The following NIN variants were observed in gnomAD, a reference collection of about 807,000 sequenced individuals.
NIN encodes the protein ninein, also known as glycogen synthase kinase 3 beta-interacting protein.
NIN carries 137 observed loss-of-function variants against 257.6 expected under a neutral mutation model. That is an observed-to-expected ratio of 0.53 (90% CI 0.46 to 0.61). The LOEUF (loss-of-function observed/expected upper bound fraction) is 0.61. Ranked by LOEUF, NIN falls within the 20% of genes least tolerant of loss-of-function variation. The pLI is 0.00. For missense variants in NIN, 2,439 were observed against 2,501.2 expected (o/e 0.98, Z 0.53); for synonymous variants, 918 against 919.8 (o/e 1.00, Z 0.04).
chr14:50,787,799 T>C (rs1039806227), intron 5 of NIN, among the ~76,000 whole-genome samples: 1 of 152,228 alleles, frequency 6.6e-6, no homozygotes, highest in African/African-American at 2.4e-5. Flanking sequence ...CAAGTGAAAT[T>C]CTGAAATGTG....
At chr14:50,790,966 G>T (rs1212293628) in intron 5 of NIN, among the ~76,000 whole-genome samples, 1 of 152,028 alleles carries the variant, frequency 6.6e-6, no homozygotes, top group Non-Finnish European at 1.5e-5. Flanking sequence ...TCCTAGATGA[G>T]GACTAGAAAC....
intron 20 of NIN, among the ~76,000 whole-genome samples, chr14:50,753,925 T>C (rs761194790): frequency 1.3e-5 from 2 of 152,222 alleles, no homozygotes; most frequent in Non-Finnish European, 2.9e-5. Flanking sequence ...ATTGCCTATA[T>C]TTCAACTGGA....
chr14:50,758,771 T>C, intron 17 of NIN, 141 bp from the exon 18 acceptor site: 1 of 692,066 alleles, frequency 1.4e-6, no homozygotes, highest in Non-Finnish European at 2.3e-6. Context: ...TACTCCTATG[T>C]GATTCATTTA....
At chr14:50,777,584 G>T (rs2042971788) in intron 6 of NIN, among the ~76,000 whole-genome samples, 1 of 151,634 alleles carries the variant, frequency 6.6e-6, no homozygotes, top group Non-Finnish European at 1.5e-5. Context: ...TTACTGAAAA[G>T]AAAATAATTT....
chr14:50,744,094 G>A, intron 23 of NIN, 149 bp downstream of exon 23: 1 of 726,798 alleles, frequency 1.4e-6, no homozygotes, highest in Non-Finnish European at 2.2e-6. Flanking sequence ...CAGGAAGTCT[G>A]GGGTCACAGA....
At chr14:50,788,786 G>A (rs1222931879) in intron 5 of NIN, among the ~76,000 whole-genome samples, 1 of 152,164 alleles carries the variant, frequency 6.6e-6, no homozygotes, top group African/African-American at 2.4e-5. Context: ...CCATTCCACT[G>A]CCCACTCCTC....
Position 50,721,253 on chromosome 14 carries a change from A to AT in NIN, c.*2209dup, listed in dbSNP as rs778090069. ...CATTTGAGCAGCATTTTGATTTTGA[A>AT]TAGAGATTCTAAATGTAGTCTAAAC... On this transcript the variant is annotated 3_prime_UTR_variant, in exon 31 of 31. Transcript: ENST00000530997. 4 of 203,338 alleles carry AT rather than the reference A, an allele frequency of 2.0e-5. No homozygotes were observed. The highest frequency in any genetic ancestry group is 7.6e-5 in the East Asian group (1 of 13,168). The allele number at this position is 203,338 out of a possible 1,614,324, so 12.6% of individuals were successfully genotyped here.
chr14:50,747,667 G>C (rs2041606856), intron 22 of NIN, among the ~76,000 whole-genome samples: 1 of 151,768 alleles, frequency 6.6e-6, no homozygotes, highest in Non-Finnish European at 1.5e-5. Context: ...CTGGGAGCTG[G>C]AGGTTGCAGT....
chr14:50,821,819 C>T, intron 3 of NIN, 55 bp downstream of exon 3: 1 of 1,460,622 alleles, frequency 6.8e-7, no homozygotes, highest in East Asian at 2.3e-5. Context: ...ACCCCCAGCA[C>T]CCCGGCAGAA....
intron 6 of NIN, among the ~76,000 whole-genome samples, chr14:50,778,050 T>C (rs998080172): frequency 1.2e-4 from 18 of 152,198 alleles, no homozygotes; most frequent in African/African-American, 4.3e-4. Context: ...GGCTGTGAAG[T>C]GGGCTGAGGT....
At chr14:50,731,099 GA>G in intron 28 of NIN, 1 of 342,490 alleles carries the variant, frequency 2.9e-6, no homozygotes, top group Non-Finnish European at 5.6e-6. Flanking sequence ...TTATATACAT[GA>G]ATAAGAGCAT....
In NIN at chr14:50,756,827, C is replaced by T; in HGVS notation, c.4203G>A (p.Leu1401=). The change falls in exon 18 of 31, where the codon TTG becomes TTA. Residue 1401 remains leucine, a synonymous_variant. Coordinates refer to ENST00000530997, the MANE Select transcript of NIN (RefSeq NM_020921.4). The part of the protein sequence containing the change: ...NQYLEGNTQL[L]EKVKAHEIAW... Reference sequence around the variant, plus strand: ...CAATTTCATGTGCTTTTACTTTTTCCAAGAGCTGTGTGTTCCCCTCAAGGT... The same window carrying T: ...CAATTTCATGTGCTTTTACTTTTTCTAAGAGCTGTGTGTTCCCCTCAAGGT... 1 of 1,551,592 alleles carries T rather than the reference C, an allele frequency of 6.4e-7. No individual in the cohort carries two copies. Among genetic ancestry groups the T allele is most frequent in the Non-Finnish European group, 8.7e-7 (1 of 1,146,956 alleles).
At chr14:50,818,139 T>A (rs1200718907) in intron 3 of NIN, among the ~76,000 whole-genome samples, 1 of 151,520 alleles carries the variant, frequency 6.6e-6, no homozygotes, top group African/African-American at 2.4e-5. Context: ...CTGGCTAACA[T>A]GGTGAAACCC....
At chr14:50,753,004 G>A (rs148402630) in intron 20 of NIN, among the ~76,000 whole-genome samples, 22 of 152,202 alleles carry the variant, frequency 1.4e-4, no homozygotes, top group African/African-American at 3.6e-4. Flanking sequence ...CATTTTCTAC[G>A]CATATACAGA....
intron 16 of NIN, among the ~76,000 whole-genome samples, chr14:50,760,724 G>C (rs1313744745): frequency 6.6e-6 from 1 of 152,116 alleles, no homozygotes; most frequent in African/African-American, 2.4e-5. Flanking sequence ...CCAAGCTGAA[G>C]TGCAGTGGCG....
intron 5 of NIN, among the ~76,000 whole-genome samples, chr14:50,782,636 A>C (rs4592572): frequency 0.84 from 128,500 of 152,206 alleles, 56,353 homozygotes; most frequent in East Asian, 1. Context: ...TTCTTTTATT[A>C]TTTTACTGTT....
In NIN at chr14:50,723,345, G is replaced by A. The variant is rs2040305736; in HGVS notation, c.*118C>T. 4.0e-6 allele frequency: 3 copies of A among 746,900 alleles called. No homozygotes were observed. Among genetic ancestry groups the A allele is most frequent in the Non-Finnish European group, 6.5e-6 (3 of 462,624 alleles). 46.3% of individuals were successfully genotyped at this position (746,900 alleles called of 1,614,324 possible). A position where few individuals can be genotyped will look rare whatever the true frequency, so the allele number is the denominator to read the frequency against. The stretch of plus-strand genomic sequence containing the variant: ...TTAGAAAAACTAATTATGATAAATG[G>A]AAACTCCAGTTGTGTTGCTGGCAGT... On this transcript the variant is annotated 3_prime_UTR_variant, in exon 31 of 31. Transcript: ENST00000530997.
At chr14:50,724,316 T>C (rs556266732) in intron 30 of NIN, 2 of 209,334 alleles carry the variant, frequency 9.6e-6, no homozygotes, top group East Asian at 1.4e-4. Flanking sequence ...CCTTCCCATG[T>C]TACAAGTGTT....
Position 50,748,032 on chromosome 14 carries a change from T to A in NIN, c.5024A>T (p.Glu1675Val). Reference protein sequence around the residue: ...VKIQTHIVQQENHLLKDELEK... With the variant: ...VKIQTHIVQQVNHLLKDELEK... ...CAGTTCATCTTTGAGAAGGTGGTTT[T>A]CCTGTTGCACAATATGGGTCTGTAT... Residue 1675 changes from glutamate to valine, a missense_variant, in exon 22 of 31, where the codon GAA becomes GTA. Coordinates refer to ENST00000530997, the MANE Select transcript of NIN (RefSeq NM_020921.4). The A allele has an allele frequency of 6.2e-7, 1 of 1,614,024 alleles. No homozygotes were observed. Among genetic ancestry groups the A allele is most frequent in the African/African-American group, 1.3e-5 (1 of 75,050 alleles).
Sources: gnomAD v4.1 joint callset for allele counts (sites outside exome capture counted in the v4.1 genomes callset) on GRCh38, gnomAD v4.1.1 for gene constraint, MANE v1.5 for transcripts, NCBI Gene and HGNC (gene_info 2026-07-23, HGNC 2026-07-21) for gene names.